PCDHA11: variants seen among roughly 807,000 people sequenced by gnomAD.
PCDHA11 encodes the protein protocadherin alpha 11, also known as protocadherin alpha-11.
A neutral mutation model predicts 70.3 loss-of-function variants in PCDHA11; 61 were observed. That is an observed-to-expected ratio of 0.87 (90% confidence interval 0.71 to 1.07). The LOEUF (loss-of-function observed/expected upper bound fraction) is 1.07, where lower values mean the gene tolerates loss of function less well. Among genes scored for constraint, PCDHA11 ranks in the 50% least tolerant of loss-of-function variants. PCDHA11 has a pLI of 0.00. For missense variants in PCDHA11, 1,324 were observed against 1,237.5 expected (o/e 1.07, Z -1.05); for synonymous variants, 633 against 555.1 (o/e 1.14, Z -1.97).
intron 1 of PCDHA11, among the ~76,000 whole-genome samples, chr5:140,896,034 C>T (rs2065325543): frequency 6.6e-6 from 1 of 152,192 alleles, no homozygotes; most frequent in South Asian, 2.1e-4. Flanking sequence ...TGGTCTCGAA[C>T]TCCTGACCTC....
At chr5:141,009,095 A>G (rs1304233331) in intron 3 of PCDHA11, among the ~76,000 whole-genome samples, 3 of 152,214 alleles carry the variant, frequency 2.0e-5, no homozygotes, top group Admixed American at 6.5e-5. Context: ...AGAACCAAAC[A>G]TATGTTACTA....
intron 1 of PCDHA11, among the ~76,000 whole-genome samples, chr5:140,892,776 T>C (rs2063665865): frequency 6.6e-6 from 1 of 152,224 alleles, no homozygotes; most frequent in East Asian, 1.9e-4. Flanking sequence ...TTCTAGCTTC[T>C]TGAAAATATG....
intron 1 of PCDHA11, chr5:140,968,253 C>T: frequency 6.2e-7 from 1 of 1,614,026 alleles, no homozygotes; most frequent in Non-Finnish European, 8.5e-7. Context: ...GCCACAGACC[C>T]AGATGAAAAG....
At chr5:140,882,259 G>A (rs1554173247) in intron 1 of PCDHA11, 1 of 1,603,126 alleles carries the variant, frequency 6.2e-7, no homozygotes, top group Non-Finnish European at 8.5e-7. Flanking sequence ...TGAGGTTTTT[G>A]GAGTGTACCA....
chr5:140,968,813 A>T, intron 1 of PCDHA11: 2 of 1,614,194 alleles, frequency 1.2e-6, no homozygotes, highest in Non-Finnish European at 1.7e-6. Context: ...TGTGGTGGAT[A>T]GGGTTTCCAA....
At chr5:140,885,280 A>G (rs2060543465) in intron 1 of PCDHA11, among the ~76,000 whole-genome samples, 2 of 152,138 alleles carry the variant, frequency 1.3e-5, no homozygotes, top group Admixed American at 6.5e-5. Context: ...ATATATATAC[A>G]TATATAGAGA....
At chr5:140,884,621 G>C (rs116377419) in intron 1 of PCDHA11, 2 of 1,613,996 alleles carry the variant, frequency 1.2e-6, no homozygotes, top group South Asian at 2.2e-5. Context: ...TTCTGCAGAG[G>C]GAACAGGCCA....
intron 1 of PCDHA11, among the ~76,000 whole-genome samples, chr5:140,977,783 T>TATATGA (rs1488853966): frequency 1.3e-5 from 2 of 152,252 alleles, no homozygotes; most frequent in African/African-American, 4.8e-5. Context: ...TTAAAGGAAC[T>TATATGA]ATATGAATGA....
At chr5:141,005,321 A>C (rs1455149994) in intron 3 of PCDHA11, among the ~76,000 whole-genome samples, 1 of 152,182 alleles carries the variant, frequency 6.6e-6, no homozygotes, top group Admixed American at 6.5e-5. Context: ...AGTGGTAGAG[A>C]ATAATAGGCC....
chr5:140,966,578 G>A, intron 1 of PCDHA11: 1 of 527,316 alleles, frequency 1.9e-6, no homozygotes, highest in Non-Finnish European at 3.1e-6. Context: ...GGGAGTCAGC[G>A]AGGACGGTGG....
At chr5:140,944,617 G>A (rs374007868) in intron 1 of PCDHA11, among the ~76,000 whole-genome samples, 6 of 152,192 alleles carry the variant, frequency 3.9e-5, no homozygotes, top group African/African-American at 1.4e-4. Flanking sequence ...TGCTGTAGAA[G>A]TATAGTGTTG....
At chr5:140,997,986 A>C (rs1554256110) in intron 3 of PCDHA11, among the ~76,000 whole-genome samples, 2 of 152,186 alleles carry the variant, frequency 1.3e-5, no homozygotes, top group African/African-American at 4.8e-5. Flanking sequence ...CACTTGTTAC[A>C]TACTTCCCTC....
At chr5:141,005,701 CAAAAAAAAAAAAAA>C (rs59860837) in intron 3 of PCDHA11, among the ~76,000 whole-genome samples, 79 of 7,792 alleles carry the variant, frequency 0.01, 1 homozygote, top group Admixed American at 0.027. Flanking sequence ...AACTCCGTCT[CAAAAAAAAAAAAAA>C]AAAAAAAAAA....
chr5:140,965,877 G>C (rs1355769719), intron 1 of PCDHA11, among the ~76,000 whole-genome samples: 3 of 152,210 alleles, frequency 2.0e-5, no homozygotes, highest in Non-Finnish European at 4.4e-5. Context: ...CCACTTGGCC[G>C]AGAGCAGAAT....
chr5:140,976,511 A>G (rs1216804890), intron 1 of PCDHA11, among the ~76,000 whole-genome samples: 1 of 152,148 alleles, frequency 6.6e-6, no homozygotes, highest in Non-Finnish European at 1.5e-5. Flanking sequence ...AGATCGCGCC[A>G]CTGCACACCA....
Position 141,010,271 on chromosome 5 carries a change from C to T in PCDHA11, c.*334C>T, listed in dbSNP as rs1031489236. The T allele has an allele frequency of 5.5e-5, 85 of 1,551,586 alleles. No individual in the cohort carries two copies. The highest frequency in any genetic ancestry group is 7.2e-5 in the Non-Finnish European group (83 of 1,146,992). On this transcript the variant is annotated 3_prime_UTR_variant, in exon 4 of 4. Coordinates refer to ENST00000398640, the MANE Select transcript of PCDHA11 (RefSeq NM_018902.5). ...CTCTCTGCCCTGTGCTCCGGGGATCCTGTCTTGATGACACTTGCAGGGCAG... is the reference window on the plus strand; with the variant it reads ...CTCTCTGCCCTGTGCTCCGGGGATCTTGTCTTGATGACACTTGCAGGGCAG...
At chr5:140,951,723 A>C (rs1364455679) in intron 1 of PCDHA11, among the ~76,000 whole-genome samples, 1 of 152,104 alleles carries the variant, frequency 6.6e-6, no homozygotes, top group African/African-American at 2.4e-5. Context: ...GATCCAAACC[A>C]TGTCATTCTG....
rs2098421039 is a variant in PCDHA11, at chr5:141,011,549, G to GA, written c.*1615dup. 1 of 153,674 alleles carries GA rather than the reference G, an allele frequency of 6.5e-6. No individual in the cohort carries two copies. The highest frequency in any genetic ancestry group is 1.5e-5 in the Non-Finnish European group (1 of 68,008). The allele number at this position is 153,674 out of a possible 1,614,324, so 9.5% of individuals were successfully genotyped here. A position where few individuals can be genotyped will look rare whatever the true frequency, so the allele number is the denominator to read the frequency against. Reference sequence around the variant, plus strand: ...CCATTGTTAATCAGCTTTTGTGTATGAAAGACACAGTAAAATTTCTTTCTT... The same window carrying GA: ...CCATTGTTAATCAGCTTTTGTGTATGAAAAGACACAGTAAAATTTCTTTCTT... On this transcript the variant is annotated 3_prime_UTR_variant, in exon 4 of 4. Coordinates refer to ENST00000398640, the MANE Select transcript of PCDHA11 (RefSeq NM_018902.5).
At chr5:140,967,022 A>G (rs2096084806) in intron 1 of PCDHA11, 1 of 1,608,014 alleles carries the variant, frequency 6.2e-7, no homozygotes, top group Middle Eastern at 1.7e-4. Context: ...GGGTGCGCCC[A>G]GTCCGCGCTA....
Sources: gnomAD v4.1 joint callset for allele counts (sites outside exome capture counted in the v4.1 genomes callset) on GRCh38, gnomAD v4.1.1 for gene constraint, MANE v1.5 for transcripts, NCBI Gene and HGNC (gene_info 2026-07-23, HGNC 2026-07-21) for gene names.